The following GTPBP8 variants were observed in gnomAD, a reference collection of about 807,000 sequenced individuals.
GTPBP8 encodes the protein GTP binding protein 8.
GTPBP8 carries 21 observed loss-of-function variants against 27.3 expected under a neutral mutation model. The ratio of observed to expected loss-of-function variants is 0.77; its 90% CI spans 0.55 to 1.11. The LOEUF is 1.11. Among genes scored for constraint, GTPBP8 ranks in the 50% least tolerant of loss-of-function variants. The pLI, the probability that GTPBP8 is intolerant of heterozygous loss-of-function variation, is 0.00. For synonymous variants in GTPBP8, 147 were observed against 135.3 expected (o/e 1.09, Z -0.60); for missense variants, 380 against 350.8 (o/e 1.08, Z -0.67).
At chr3:112,995,513 A>G (rs1373583336) in intron 3 of GTPBP8, among the ~76,000 whole-genome samples, 1 of 151,816 alleles carries the variant, frequency 6.6e-6, no homozygotes, top group Non-Finnish European at 1.5e-5. Context: ...ATTGAGATTG[A>G]GAGTAAAGTG....
chr3:113,000,841 T>G lies in GTPBP8; in HGVS notation c.786-9T>G, dbSNP rs1184088668. 21 of 1,554,424 alleles carry G rather than the reference T, an allele frequency of 1.4e-5. No individual in the cohort carries two copies. Among genetic ancestry groups the G allele is most frequent in the Non-Finnish European group, 1.9e-5 (21 of 1,133,162 alleles). ...AAGGAAGAAAATTATTTCTCTTTTC[T>G]TTTCACAGTGCTGTGACCTTTTCTG... On this transcript the variant is annotated splice_polypyrimidine_tract_variant and intron_variant, in intron 5 of 5. Coordinates refer to ENST00000383678, the MANE Select transcript of GTPBP8 (RefSeq NM_014170.4).
rs755378176 is a variant in GTPBP8 at position 112,991,236 on chromosome 3, C to T, written c.237C>T (p.Ala79=). The T allele has an allele frequency of 6.2e-7, 1 of 1,614,104 alleles. No homozygotes were observed. The highest frequency in any genetic ancestry group is 1.1e-5 in the South Asian group (1 of 91,084). Residue 79 remains alanine, a synonymous_variant, in exon 1 of 6, where the codon GCC becomes GCT. Coordinates refer to ENST00000383678, the MANE Select transcript of GTPBP8 (RefSeq NM_014170.4). ...TTGACCCAAGCCCGGAGGACATAGCCAGGGCGGACAACATCTTCACGGCCA... is the reference window on the plus strand; with the variant it reads ...TTGACCCAAGCCCGGAGGACATAGCTAGGGCGGACAACATCTTCACGGCCA... The part of the protein sequence containing the change: ...RIFDPSPEDI[A]RADNIFTATE...
At chr3:112,999,618 T>C (rs1367918002) in intron 5 of GTPBP8, 54 bp downstream of exon 5, 3 of 746,776 alleles carry the variant, frequency 4.0e-6, no homozygotes, top group East Asian at 2.6e-5. Context: ...CTTGAGAATG[T>C]TGTGGGTTTT....
At chr3:112,993,227 A>G in intron 2 of GTPBP8, 103 bp downstream of exon 2, 1 of 649,496 alleles carries the variant, frequency 1.5e-6, no homozygotes, top group Non-Finnish European at 2.7e-6. Flanking sequence ...AAGTTCCTAG[A>G]GAAGTGATTT....
At chr3:112,991,874 G>A (rs1332630396) in intron 1 of GTPBP8, 2 of 251,006 alleles carry the variant, frequency 8.0e-6, no homozygotes, top group African/African-American at 4.6e-5. Flanking sequence ...ATAATCTCTA[G>A]ATGGCAATAA....
At chr3:112,996,240 C>G (rs774253693) in intron 3 of GTPBP8, among the ~76,000 whole-genome samples, 2 of 151,976 alleles carry the variant, frequency 1.3e-5, no homozygotes, top group Non-Finnish European at 2.9e-5. Context: ...CGGCGGATCA[C>G]TTGAGGTCAG....
At chr3:112,995,438 C>CTGCTTGCT (rs961876956) in intron 3 of GTPBP8, among the ~76,000 whole-genome samples, 173 bp downstream of exon 3, 12 of 152,120 alleles carry the variant, frequency 7.9e-5, no homozygotes, top group Non-Finnish European at 1.5e-5. Context: ...AAGGTATATA[C>CTGCTTGCT]TGCTTGCTTG....
intron 4 of GTPBP8, among the ~76,000 whole-genome samples, chr3:112,998,722 G>A (rs147292019): frequency 1.3e-5 from 2 of 152,192 alleles, no homozygotes; most frequent in East Asian, 3.9e-4. Context: ...ACAAATGATC[G>A]TAACAAGGGC....
At chr3:112,995,768 C>T (rs541943803) in intron 3 of GTPBP8, among the ~76,000 whole-genome samples, 1 of 152,208 alleles carries the variant, frequency 6.6e-6, no homozygotes, top group South Asian at 2.1e-4. Context: ...AACTCCTGAC[C>T]TCAGGTGATC....
intron 2 of GTPBP8, among the ~76,000 whole-genome samples, chr3:112,994,230 C>T (rs78321211): frequency 0.054 from 8,180 of 152,160 alleles, 540 homozygotes; most frequent in East Asian, 0.19. Context: ...TCGAGACCAG[C>T]CTGACCAACA....
intron 1 of GTPBP8, chr3:112,992,586 C>G (rs1428352783): frequency 1.9e-5 from 3 of 155,630 alleles, no homozygotes; most frequent in African/African-American, 7.2e-5. Flanking sequence ...CATGGGAGTG[C>G]TTGAGAAAAT....
chr3:112,999,546 C>G lies in GTPBP8; in HGVS notation c.767C>G (p.Pro256Arg). ...AACATGAAAACTCAAGGATGTTTTCCTCAGTTGTTTCCTGTAAGGTAAGAG... is the reference window on the plus strand; with the variant it reads ...AACATGAAAACTCAAGGATGTTTTCGTCAGTTGTTTCCTGTAAGGTAAGAG... ...FVNMKTQGCF[P>R]QLFPVSAVTF... Residue 256 changes from proline to arginine, a missense_variant, in exon 5 of 6, where the codon CCT becomes CGT. By Grantham distance (103) the Pro-to-Arg change is moderately radical. Transcript: ENST00000383678. The G allele has an allele frequency of 7.1e-7, 1 of 1,401,510 alleles. No individual in the cohort carries two copies. Among genetic ancestry groups the G allele is most frequent in the East Asian group, 2.3e-5 (1 of 42,906 alleles). The allele number at this position is 1,401,510 out of a possible 1,614,324, so 86.8% of individuals were successfully genotyped here.
intron 4 of GTPBP8, among the ~76,000 whole-genome samples, chr3:112,997,817 T>C (rs1488254694): frequency 2.0e-5 from 3 of 152,238 alleles, no homozygotes; most frequent in African/African-American, 4.8e-5. Flanking sequence ...AAAGGATTGA[T>C]AGTCTGCCTA....
At chr3:112,998,410 G>A (rs1933827851) in intron 4 of GTPBP8, among the ~76,000 whole-genome samples, 1 of 152,118 alleles carries the variant, frequency 6.6e-6, no homozygotes, top group African/African-American at 2.4e-5. Flanking sequence ...TATTACAAAG[G>A]ATATAATGAA....
intron 4 of GTPBP8, 93 bp downstream of exon 4, chr3:112,997,084 T>G: frequency 4.5e-6 from 3 of 664,422 alleles, no homozygotes; most frequent in Non-Finnish European, 8.0e-6. Context: ...TGAGCTTGTG[T>G]TGCCTCAAAA....
At chr3:112,993,752 C>A (rs774509672) in intron 2 of GTPBP8, among the ~76,000 whole-genome samples, 1 of 152,104 alleles carries the variant, frequency 6.6e-6, no homozygotes, top group African/African-American at 2.4e-5. Flanking sequence ...TGTGCGTGCA[C>A]GAACGCACAC....
chr3:112,997,917 A>G (rs1302290734), intron 4 of GTPBP8, among the ~76,000 whole-genome samples: 1 of 152,180 alleles, frequency 6.6e-6, no homozygotes, highest in African/African-American at 2.4e-5. Flanking sequence ...TATTTTCCTC[A>G]ATTTTAACTG....
intron 2 of GTPBP8, 64 bp from the exon 3 acceptor site, chr3:112,995,071 G>T: frequency 1.6e-6 from 2 of 1,229,296 alleles, no homozygotes; most frequent in South Asian, 3.0e-5. Context: ...AAAACATTTT[G>T]AATCATTAAC....
In GTPBP8 at chr3:112,997,001, TC is replaced by T. The variant is rs769532104; in HGVS notation, c.666+12del. ...TGCATTACCTTATGTGGTAAGTACT[TC>T]CTTTGAATCATGGTTGCAATTAGAA... is the stretch of plus-strand genomic sequence containing the variant. On this transcript the variant is annotated intron_variant, in intron 4 of 5. Transcript: ENST00000383678. 1 of 1,173,826 alleles carries T rather than the reference TC, an allele frequency of 8.5e-7. No homozygotes were observed. The highest frequency in any genetic ancestry group is 1.3e-6 in the Non-Finnish European group (1 of 781,344). 72.7% of individuals were successfully genotyped at this position (1,173,826 alleles called of 1,614,324 possible).
Sources: allele counts gnomAD v4.1 joint callset (sites outside exome capture counted in the v4.1 genomes callset), GRCh38; gene constraint gnomAD v4.1.1; transcripts MANE v1.5; gene names NCBI Gene and HGNC (gene_info 2026-07-23, HGNC 2026-07-21).